The following INTS6L variants were observed in gnomAD, a reference collection of about 807,000 sequenced individuals.
INTS6L encodes the protein integrator complex subunit 6-like.
INTS6L carries 18 observed loss-of-function variants against 64.7 expected under a neutral mutation model. The observed-to-expected ratio is 0.28, with a 90% CI of 0.19 to 0.41. The LOEUF (loss-of-function observed/expected upper bound fraction) is 0.41, where lower values mean the gene tolerates loss of function less well. Ranked by LOEUF, INTS6L falls within the 10% of genes least tolerant of loss-of-function variation. The pLI is 1.00. For missense variants in INTS6L, 533 were observed against 661.0 expected (o/e 0.81, Z 2.12); for synonymous variants, 227 against 235.9 (o/e 0.96, Z 0.34).
At chrX:135,522,810 C>G (rs1046596298) in intron 2 of INTS6L, among the ~76,000 whole-genome samples, 7 of 112,359 alleles carry the variant, frequency 6.2e-5, no homozygotes, top group African/African-American at 2.3e-4. Context: ...AATTTGTTTT[C>G]AGTTTGTGAT....
At chrX:135,580,617 C>T (rs2087346680) in intron 16 of INTS6L, among the ~76,000 whole-genome samples, 1 of 112,130 alleles carries the variant, frequency 8.9e-6, no homozygotes, top group South Asian at 3.7e-4. Context: ...CACTTTTTCT[C>T]CTCTCTGACC....
At chrX:135,557,584 A>G (rs1374182012) in intron 9 of INTS6L, among the ~76,000 whole-genome samples, 1 of 112,057 alleles carries the variant, frequency 8.9e-6, no homozygotes, top group African/African-American at 3.2e-5. Context: ...CCTTTTAAGT[A>G]CACAATACAG....
At chrX:135,561,474 T>G (rs2086788291) in intron 9 of INTS6L, among the ~76,000 whole-genome samples, 1 of 112,041 alleles carries the variant, frequency 8.9e-6, no homozygotes, top group Non-Finnish European at 1.9e-5. Context: ...TCATGAAAGA[T>G]ATTGGCCTGT....
chrX:135,527,692 T>G (rs2085778184), intron 2 of INTS6L, among the ~76,000 whole-genome samples: 1 of 111,853 alleles, frequency 8.9e-6, no homozygotes, highest in Non-Finnish European at 1.9e-5. Context: ...AAGCTTGTTG[T>G]CTATATGCTT....
At chrX:135,544,698 C>T (rs1224661801) in intron 2 of INTS6L, among the ~76,000 whole-genome samples, 4 of 112,023 alleles carry the variant, frequency 3.6e-5, no homozygotes, top group African/African-American at 1.3e-4. Flanking sequence ...CCAGTCAGCA[C>T]GATCCTTTCC....
chrX:135,527,633 T>C (rs2085777001), intron 2 of INTS6L, among the ~76,000 whole-genome samples: 1 of 112,233 alleles, frequency 8.9e-6, no homozygotes. Flanking sequence ...TTTTGTACAT[T>C]TCTTCTGGGA....
intron 8 of INTS6L, 143 bp from the exon 9 acceptor site, chrX:135,556,025 T>A: frequency 1.7e-6 from 1 of 588,700 alleles, no homozygotes; most frequent in Non-Finnish European, 2.5e-6. Context: ...TATTTTGACA[T>A]AACCATAGGC....
rs2086447210 is a variant in INTS6L, at chrX:135,549,627, T to C, written c.743-15T>C. The C allele has an allele frequency of 2.5e-6, 3 of 1,191,204 alleles. No homozygotes were observed. In the Admixed American group the frequency reaches 6.9e-5, roughly 27 times the overall value. On this transcript the variant is annotated splice_polypyrimidine_tract_variant and intron_variant, in intron 6 of 17. Transcript: ENST00000639893. ...AGAAACTCACGCCTTAGTTTGTCTT[T>C]TGTTTAACTTTTAGATGGACTTATG... is the stretch of plus-strand genomic sequence containing the variant.
intron 2 of INTS6L, among the ~76,000 whole-genome samples, chrX:135,523,107 G>A (rs781790427): frequency 4.9e-4 from 55 of 111,692 alleles, no homozygotes; most frequent in Admixed American, 8.5e-4. Flanking sequence ...CTTATTGGCC[G>A]GGTGCGGTGG....
Position 135,581,996 on chromosome X carries a change from G to A in INTS6L, c.*360G>A, listed in dbSNP as rs1050837758. 9.9e-5 allele frequency: 18 copies of A among 180,945 alleles called. No individual in the cohort carries two copies. Among genetic ancestry groups the A allele is most frequent in the Non-Finnish European group, 9.0e-5 (9 of 100,095 alleles). The allele number at this position is 180,945 out of a possible 1,213,427, so 14.9% of individuals were successfully genotyped here. On this transcript the variant is annotated 3_prime_UTR_variant, in exon 18 of 18. Transcript: ENST00000639893. ...TGGCGAGGGGCCACCTGCAAGTGGA[G>A]CACAACTTGGTGCTCTTACTGTGTC...
intron 8 of INTS6L, among the ~76,000 whole-genome samples, chrX:135,555,675 T>C (rs1477795544): frequency 1.8e-5 from 2 of 111,802 alleles, no homozygotes; most frequent in Non-Finnish European, 3.8e-5. Context: ...AGAATTGCGA[T>C]CTGAACATTC....
At chrX:135,556,415 G>C (rs781881372) in intron 9 of INTS6L, 115 bp downstream of exon 9, 2 of 672,421 alleles carry the variant, frequency 3.0e-6, no homozygotes, top group African/African-American at 4.6e-5. Flanking sequence ...TGAAAGGATA[G>C]AATTTGCATA....
At chrX:135,534,212 A>G (rs782617415) in intron 2 of INTS6L, among the ~76,000 whole-genome samples, 3 of 108,967 alleles carry the variant, frequency 2.8e-5, no homozygotes, top group East Asian at 5.6e-4. Context: ...TTATATGCTT[A>G]AAAAACTTCA....
At chrX:135,561,080 G>GT (rs2086779176) in intron 9 of INTS6L, among the ~76,000 whole-genome samples, 1 of 105,478 alleles carries the variant, frequency 9.5e-6, no homozygotes, top group African/African-American at 3.4e-5. Context: ...AGCCTCCCAA[G>GT]TAGCTGGATT....
chrX:135,534,546 CAG>C (rs2085998568), intron 2 of INTS6L, among the ~76,000 whole-genome samples: 1 of 111,022 alleles, frequency 9.0e-6, no homozygotes, highest in African/African-American at 3.3e-5. Context: ...TGATAGCATT[CAG>C]AGTTCTCAGG....
intron 7 of INTS6L, among the ~76,000 whole-genome samples, chrX:135,551,635 C>A (rs2086505572): frequency 8.9e-6 from 1 of 112,423 alleles, no homozygotes; most frequent in Admixed American, 9.4e-5. Context: ...GAATGAAGGG[C>A]AGGCAATTCT....
At chrX:135,526,454 A>C (rs782501042) in intron 2 of INTS6L, among the ~76,000 whole-genome samples, 3 of 111,324 alleles carry the variant, frequency 2.7e-5, no homozygotes, top group Non-Finnish European at 5.7e-5. Context: ...TCCTCTCCAA[A>C]CACACTATGC....
At chrX:135,560,195 T>C (rs1556521390) in intron 9 of INTS6L, among the ~76,000 whole-genome samples, 1 of 112,169 alleles carries the variant, frequency 8.9e-6, no homozygotes. Context: ...TATTGTATTT[T>C]TGATGTTGGT....
intron 9 of INTS6L, among the ~76,000 whole-genome samples, chrX:135,563,304 G>T (rs1439392558): frequency 9.1e-6 from 1 of 110,286 alleles, no homozygotes; most frequent in Non-Finnish European, 1.9e-5. Context: ...ACTATTTTAT[G>T]TACAATTAGA....
Sources: allele counts gnomAD v4.1 joint callset (sites outside exome capture counted in the v4.1 genomes callset), GRCh38; gene constraint gnomAD v4.1.1; transcripts MANE v1.5; gene names NCBI Gene and HGNC (gene_info 2026-07-23, HGNC 2026-07-21).